SLC37A3: variants seen among roughly 807,000 people sequenced by gnomAD.
SLC37A3 encodes the protein sugar phosphate exchanger 3.
SLC37A3 carries 51 observed loss-of-function variants against 67.1 expected under a neutral mutation model. That is an observed-to-expected ratio of 0.76 (90% confidence interval 0.61 to 0.96). The LOEUF (loss-of-function observed/expected upper bound fraction) is 0.96, where lower values mean the gene tolerates loss of function less well. Ranked by LOEUF, SLC37A3 falls within the 40% of genes least tolerant of loss-of-function variation. The pLI, the probability that SLC37A3 is intolerant of heterozygous loss-of-function variation, is 0.00. For synonymous variants in SLC37A3, 214 were observed against 231.4 expected (o/e 0.92, Z 0.68); for missense variants, 508 against 603.0 (o/e 0.84, Z 1.65).
intron 3 of SLC37A3, among the ~76,000 whole-genome samples, chr7:140,372,614 G>A (rs1797864542): frequency 6.6e-6 from 1 of 152,158 alleles, no homozygotes; most frequent in South Asian, 2.1e-4. Context: ...TGTAATCCCA[G>A]CACTTTGGGA....
intron 10 of SLC37A3, among the ~76,000 whole-genome samples, chr7:140,346,336 C>A (rs1467741657): frequency 6.6e-6 from 1 of 151,930 alleles, no homozygotes; most frequent in Non-Finnish European, 1.5e-5. Flanking sequence ...GCCGAGATTG[C>A]GCCACTGCAC....
intron 14 of SLC37A3, among the ~76,000 whole-genome samples, chr7:140,336,856 T>G (rs916751855): frequency 1.7e-4 from 26 of 150,724 alleles, no homozygotes; most frequent in Admixed American, 3.9e-4. Context: ...CCCAGCACTT[T>G]GGGAGGCCGA....
intron 4 of SLC37A3, among the ~76,000 whole-genome samples, chr7:140,367,218 A>G (rs1281387895): frequency 2.0e-5 from 3 of 151,322 alleles, no homozygotes; most frequent in Non-Finnish European, 4.4e-5. Flanking sequence ...AAGTGGATCA[A>G]CTGAGGACAG....
intron 13 of SLC37A3, 71 bp downstream of exon 13, chr7:140,343,341 G>A (rs1188184698): frequency 6.9e-6 from 11 of 1,601,324 alleles, no homozygotes; most frequent in Non-Finnish European, 9.4e-6. Context: ...CTGAGGCCCA[G>A]AGGGCAGGTT....
chr7:140,338,807 C>G (rs1323673639), intron 13 of SLC37A3, among the ~76,000 whole-genome samples: 3 of 152,046 alleles, frequency 2.0e-5, no homozygotes, highest in African/African-American at 7.2e-5. Context: ...GCTCTGTCAC[C>G]CAGGCTGGAG....
chr7:140,347,367 C>T (rs1796606330), intron 10 of SLC37A3, among the ~76,000 whole-genome samples: 1 of 151,902 alleles, frequency 6.6e-6, no homozygotes, highest in African/African-American at 2.4e-5. Flanking sequence ...ATCTTTCAAG[C>T]AACAATGTCA....
intron 3 of SLC37A3, chr7:140,380,062 T>G: frequency 3.2e-6 from 1 of 312,034 alleles, no homozygotes; most frequent in Non-Finnish European, 5.9e-6. Flanking sequence ...TGTCAAAAGG[T>G]GTGATTTCTC....
Position 140,381,881 on chromosome 7 carries a change from A to G in SLC37A3, c.89+557T>C, listed in dbSNP as rs182308825. The stretch of plus-strand genomic sequence containing the variant: ...CTCTATTTAGTAGCCGGGCATGGTG[A>G]CACGCACCTGTAATCCCAGCTACTC... On this transcript the variant is annotated intron_variant, in intron 2 of 14. Transcript: ENST00000326232. Among the ~76,000 whole-genome samples, 719 of 151,578 alleles carry G rather than the reference A, an allele frequency of 4.7e-3. 7 individuals are homozygous for G. The highest frequency in any genetic ancestry group is 0.016 in the African/African-American group (681 of 41,360).
chr7:140,397,491 A>G (rs1798985635), intron 1 of SLC37A3, among the ~76,000 whole-genome samples: 1 of 151,950 alleles, frequency 6.6e-6, no homozygotes, highest in African/African-American at 2.4e-5. Flanking sequence ...ACCGCGCCCA[A>G]CCCGAAGCTC....
intron 1 of SLC37A3, among the ~76,000 whole-genome samples, chr7:140,385,633 C>T (rs936949400): frequency 1.3e-5 from 2 of 152,108 alleles, no homozygotes; most frequent in Non-Finnish European, 2.9e-5. Flanking sequence ...TAGGGCTGTA[C>T]AGTTATATTA....
intron 1 of SLC37A3, among the ~76,000 whole-genome samples, chr7:140,387,264 A>G (rs1798490974): frequency 6.6e-6 from 1 of 151,998 alleles, no homozygotes; most frequent in Non-Finnish European, 1.5e-5. Context: ...GGAGTTCAGG[A>G]GTCTCAGACC....
intron 1 of SLC37A3, among the ~76,000 whole-genome samples, chr7:140,389,042 C>A (rs1458838222): frequency 6.6e-6 from 1 of 152,108 alleles, no homozygotes; most frequent in Non-Finnish European, 1.5e-5. Flanking sequence ...TTGCTTTTAA[C>A]CCTTAAGGAA....
intron 7 of SLC37A3, among the ~76,000 whole-genome samples, chr7:140,354,056 A>C (rs1038990157): frequency 6.6e-6 from 1 of 152,208 alleles, no homozygotes; most frequent in African/African-American, 2.4e-5. Context: ...CTATCAGTTC[A>C]TACAGAGCTT....
intron 5 of SLC37A3, among the ~76,000 whole-genome samples, chr7:140,360,777 C>T (rs900445942): frequency 6.6e-6 from 1 of 151,072 alleles, no homozygotes; most frequent in African/African-American, 2.4e-5. Flanking sequence ...TCCTCCCCTA[C>T]ACAGCACTTG....
chr7:140,383,645 C>T (rs1183201298), intron 1 of SLC37A3, among the ~76,000 whole-genome samples: 1 of 151,986 alleles, frequency 6.6e-6, no homozygotes, highest in Admixed American at 6.6e-5. Context: ...GGTCAGGCCA[C>T]CCCTTGCCAT....
At chr7:140,389,131 C>A (rs1798624623) in intron 1 of SLC37A3, among the ~76,000 whole-genome samples, 1 of 152,170 alleles carries the variant, frequency 6.6e-6, no homozygotes, top group Non-Finnish European at 1.5e-5. Context: ...TGAAACAAAA[C>A]TGATAACAGA....
At chr7:140,339,828 C>A (rs1420016842) in intron 13 of SLC37A3, among the ~76,000 whole-genome samples, 2 of 151,818 alleles carry the variant, frequency 1.3e-5, no homozygotes, top group Non-Finnish European at 2.9e-5. Flanking sequence ...GCTCCACCTC[C>A]CGGGTTCACG....
chr7:140,392,892 G>A (rs906897386), intron 1 of SLC37A3, among the ~76,000 whole-genome samples: 2 of 152,112 alleles, frequency 1.3e-5, no homozygotes, highest in African/African-American at 4.8e-5. Context: ...AGGAGTTTGA[G>A]ACCAGCCGGG....
chr7:140,358,087 GA>G (rs1212595217), intron 6 of SLC37A3, among the ~76,000 whole-genome samples: 2 of 151,318 alleles, frequency 1.3e-5, no homozygotes, highest in African/African-American at 4.9e-5. Flanking sequence ...AAACAAAAAA[GA>G]AAAAAAAGCT....
Sources: allele counts gnomAD v4.1 joint callset (sites outside exome capture counted in the v4.1 genomes callset), GRCh38; gene constraint gnomAD v4.1.1; transcripts MANE v1.5; gene names NCBI Gene and HGNC (gene_info 2026-07-23, HGNC 2026-07-21).